The following SEMA3G variants were observed in gnomAD, a reference collection of about 807,000 sequenced individuals.
SEMA3G encodes semaphorin-3G.
SEMA3G carries 70 observed loss-of-function variants against 86.2 expected under a neutral mutation model. That is an observed-to-expected ratio of 0.81 (90% CI 0.67 to 0.99). SEMA3G has a LOEUF of 0.99. SEMA3G is among the 50% of genes least tolerant of loss of function. The pLI, the probability that SEMA3G is intolerant of heterozygous loss-of-function variation, is 0.00. For missense variants in SEMA3G, 1,002 were observed against 1,072.4 expected (o/e 0.93, Z 0.92); for synonymous variants, 416 against 441.4 (o/e 0.94, Z 0.72).
rs1403239880 is a variant in SEMA3G, at chr3:52,435,580, G to A, written c.*23C>T. 1 of 1,591,454 alleles carries A rather than the reference G, an allele frequency of 6.3e-7. No homozygotes were observed. Among genetic ancestry groups the A allele is most frequent in the African/African-American group, 1.3e-5 (1 of 74,642 alleles). On this transcript the variant is annotated 3_prime_UTR_variant, in exon 16 of 16. Transcript: ENST00000231721. ...GCTAGTGGGCCCCCCAGCCCATCCTGACCACCCCTCCTCTGCCCCCTTCTA... is the reference window on the plus strand; with the variant it reads ...GCTAGTGGGCCCCCCAGCCCATCCTAACCACCCCTCCTCTGCCCCCTTCTA...
rs1490109125 is a variant in SEMA3G, at chr3:52,435,795, C to A, written c.2157G>T (p.Leu719=). Residue 719 remains leucine, a synonymous_variant, in exon 16 of 16, where the codon CTG becomes CTT. Transcript: ENST00000231721. The part of the protein sequence containing the change: ...DILQLIGFAN[L]PRVDEYCERV... The stretch of plus-strand genomic sequence containing the variant: ...GCTCACAGTACTCATCCACCCGGGG[C>A]AGGTTGGCGAAGCCAATGAGCTGCA... The A allele has an allele frequency of 2.4e-5, 38 of 1,614,032 alleles. No individual in the cohort carries two copies. Among genetic ancestry groups the A allele is most frequent in the East Asian group, 2.0e-4 (9 of 44,888 alleles).
At position 52,435,661 on chromosome 3, in the gene SEMA3G, ATCT is replaced by A. The variant is rs1706032563; in HGVS notation, c.2288_2290del (p.Lys763del). On this transcript the variant is annotated inframe_deletion, in exon 16 of 16. Coordinates refer to ENST00000231721, the MANE Select transcript of SEMA3G (RefSeq NM_020163.3). ...GTGCTCGGCATGCACCCGGCTCTTCATCTTCTTGCCTAGCTCCAGCCCTGCCCA... is the reference window on the plus strand; with the variant it reads ...GTGCTCGGCATGCACCCGGCTCTTCATCTTGCCTAGCTCCAGCCCTGCCCA... The A allele has an allele frequency of 1.2e-6, 2 of 1,613,442 alleles. No homozygotes were observed. The highest frequency in any genetic ancestry group is 2.2e-5 in the South Asian group (2 of 91,034).
Position 52,442,005 on chromosome 3 carries a change from C to A in SEMA3G, c.460-96G>T, listed in dbSNP as rs568236609. 2.0e-3 allele frequency: 2,588 copies of A among 1,309,338 alleles called. 9 individuals are homozygous for A. Among genetic ancestry groups the A allele is most frequent in the Non-Finnish European group, 1.8e-3 (1,750 of 947,032 alleles). The allele number at this position is 1,309,338 out of a possible 1,614,324, so 81.1% of individuals were successfully genotyped here. A position where few individuals can be genotyped will look rare whatever the true frequency, so the allele number is the denominator to read the frequency against. ...GGAGCCCTCGCGTGCGGCCAGAGAG[C>A]GGGGGTGGGCGGAAGGCGTCCTCAT... On this transcript the variant is annotated intron_variant, in intron 4 of 15. Coordinates refer to ENST00000231721, the MANE Select transcript of SEMA3G (RefSeq NM_020163.3). This position sits in a 1 kb window ranked among gnomAD's most constrained non-coding sequence, Gnocchi z 6.1.
At position 52,440,635 on chromosome 3, in the gene SEMA3G, C is replaced by T. The variant is rs532253944; in HGVS notation, c.999-114G>A. On this transcript the variant is annotated intron_variant, in intron 9 of 15. Coordinates refer to ENST00000231721, the MANE Select transcript of SEMA3G (RefSeq NM_020163.3). ...CAGTGCCTGCAGCAAGCAGAGACTC[C>T]GAAAAGCAAAGACCCCAAGGCAAAG... 1.5e-4 allele frequency: 214 copies of T among 1,468,064 alleles called. 4 individuals are homozygous for T. In the African/African-American group the frequency reaches 1.8e-3, roughly 12 times the overall value. 90.9% of individuals were successfully genotyped at this position (1,468,064 alleles called of 1,614,324 possible).
rs533399785 is a variant in SEMA3G, at chr3:52,441,826, G to A, written c.543C>T (p.Thr181=). The change falls in exon 5 of 16, where the codon ACC becomes ACT. Residue 181 remains threonine (T), a synonymous_variant. Transcript: ENST00000231721. The part of the protein sequence containing the change: ...PHEPSRPFAS[T]FIDGELYTGL... ...GGCCTGGGCATCACCCACCTATGAA[G>A]GTGCTGGCAAAGGGACGGCTGGGCT... The A allele has an allele frequency of 4.9e-5, 79 of 1,607,426 alleles. No homozygotes were observed. In the South Asian group the frequency reaches 8.2e-4, roughly 17 times the overall value.
chr3:52,442,310 G>A lies in SEMA3G; in HGVS notation c.340-6C>T. ...ACGAAGTTGGCGCACTCTGTCTGCG[G>A]GGAGAAGGAGGGGGTGGTTGAGGGG... On this transcript the variant is annotated splice_polypyrimidine_tract_variant and splice_region_variant and intron_variant, in intron 3 of 15. Coordinates refer to ENST00000231721, the MANE Select transcript of SEMA3G (RefSeq NM_020163.3). The surrounding 1 kb of genome is among the most constrained non-coding windows in gnomAD (Gnocchi z 6.1). 1 of 1,613,574 alleles carries A rather than the reference G, an allele frequency of 6.2e-7. No homozygotes were observed. Among genetic ancestry groups the A allele is most frequent in the Non-Finnish European group, 8.5e-7 (1 of 1,179,812 alleles).
Position 52,440,483 on chromosome 3 carries a change from A to G in SEMA3G, c.1037T>C (p.Met346Thr). ...FQGFAVCVYH[M>T]ADIWEVFNGP... ...GTTGAAAACCTCCCAGATGTCTGCCATGTGGTACACACAGACGGCGAAGCC... is the reference window on the plus strand; with the variant it reads ...GTTGAAAACCTCCCAGATGTCTGCCGTGTGGTACACACAGACGGCGAAGCC... Residue 346 changes from methionine to threonine, a missense_variant, in exon 10 of 16, where the codon ATG (methionine) becomes ACG (threonine). Coordinates refer to ENST00000231721, the MANE Select transcript of SEMA3G (RefSeq NM_020163.3). 2 of 1,611,998 alleles carry G rather than the reference A, an allele frequency of 1.2e-6. No homozygotes were observed. Among genetic ancestry groups the G allele is most frequent in the Non-Finnish European group, 8.5e-7 (1 of 1,179,570 alleles).
rs1185482664 is a variant in SEMA3G, at chr3:52,440,921, G to A, written c.928+13C>T. The A allele has an allele frequency of 3.1e-6, 5 of 1,600,556 alleles. No homozygotes were observed. Among genetic ancestry groups the A allele is most frequent in the Non-Finnish European group, 3.4e-6 (4 of 1,173,234 alleles). On this transcript the variant is annotated intron_variant, in intron 8 of 15. Coordinates refer to ENST00000231721, the MANE Select transcript of SEMA3G (RefSeq NM_020163.3). ...CACTCCCGAGCCCTAGGCCTGCTTG[G>A]CCAGGCCCTCACCTAGCTGGTCAAA...
Position 52,441,326 on chromosome 3 carries a change from C to T in SEMA3G, c.751G>A (p.Val251Ile). 6.2e-7 allele frequency: 1 copy of T among 1,613,798 alleles called. No homozygotes were observed. Among genetic ancestry groups the T allele is most frequent in the Non-Finnish European group, 8.5e-7 (1 of 1,180,026 alleles). ...TTCGAGCCACCATCGGGCGAGGGGA[C>T]CGTCTCCGAGAAGAAGAAGTACACC... ...DKVYFFFSET[V>I]PSPDGGSNHV... The change falls in exon 7 of 16, where the codon GTC becomes ATC. Residue 251 changes from valine (V) to isoleucine (I), a missense_variant. Coordinates refer to ENST00000231721, the MANE Select transcript of SEMA3G (RefSeq NM_020163.3).
Position 52,436,002 on chromosome 3 carries a change from C to G in SEMA3G, c.1950G>C (p.Ala650=). Residue 650 remains alanine (A), a synonymous_variant, in exon 16 of 16, where the codon GCG becomes GCC. Transcript: ENST00000231721. ...CCAGAGTGGTGCAGGTGTAGGTGCC[C>G]GCATCGAAACGGCTAAGCCTGCGGA... ...LLFRRLSRFD[A]GTYTCTTLEH... is the part of the protein sequence containing the mutation. 1 of 1,613,776 alleles carries G rather than the reference C, an allele frequency of 6.2e-7. No individual in the cohort carries two copies. The highest frequency in any genetic ancestry group is 2.2e-5 in the East Asian group (1 of 44,872).
chr3:52,442,398 TGGGGAGG>T lies in SEMA3G; in HGVS notation c.340-101_340-95del. 1 of 514,404 alleles carries T rather than the reference TGGGGAGG, an allele frequency of 1.9e-6. No individual in the cohort carries two copies. The highest frequency in any genetic ancestry group is 3.5e-6 in the Non-Finnish European group (1 of 287,566). 31.9% of individuals were successfully genotyped at this position (514,404 alleles called of 1,614,324 possible). A position where few individuals can be genotyped will look rare whatever the true frequency, so the allele number is the denominator to read the frequency against. On this transcript the variant is annotated intron_variant, in intron 3 of 15. Coordinates refer to ENST00000231721, the MANE Select transcript of SEMA3G (RefSeq NM_020163.3). The surrounding 1 kb of genome is among the most constrained non-coding windows in gnomAD (Gnocchi z 6.1). ...CTCAGCCCTGTCTGGCGGTCAGCTC[TGGGGAGG>T]GGGGTGGGTGTGACATTCCCAGCAG...
Position 52,442,074 on chromosome 3 carries a change from C to T in SEMA3G, c.459+111G>A. The stretch of plus-strand genomic sequence containing the variant: ...GGTCAGCTCCCCAACACAAAGGCGC[C>T]TTTCAGGCCCCTGCCCCTCTGTCCC... On this transcript the variant is annotated intron_variant, in intron 4 of 15. Coordinates refer to ENST00000231721, the MANE Select transcript of SEMA3G (RefSeq NM_020163.3). The surrounding 1 kb of genome is among the most constrained non-coding windows in gnomAD (Gnocchi z 6.1). 2 of 1,455,242 alleles carry T rather than the reference C, an allele frequency of 1.4e-6. No homozygotes were observed. Among genetic ancestry groups the T allele is most frequent in the Non-Finnish European group, 1.8e-6 (2 of 1,085,948 alleles). The allele number at this position is 1,455,242 out of a possible 1,614,324, so 90.1% of individuals were successfully genotyped here.
chr3:52,439,682 T>C lies in SEMA3G; in HGVS notation c.1465A>G (p.Lys489Glu). The change falls in exon 12 of 16, where the codon AAG becomes GAG. Residue 489 changes from lysine (K) to glutamate (E), a missense_variant and splice_region_variant. By Grantham distance (56) the Lys-to-Glu change is moderately conservative. Coordinates refer to ENST00000231721, the MANE Select transcript of SEMA3G (RefSeq NM_020163.3). The part of the protein sequence containing the change: ...EVVLEELQVF[K>E]VPTPITEMEI... ...CCTTCCATCAGCCCCTTGCTTACCTTAAACACCTGGAGCTCCTCCAGAACC... is the reference window on the plus strand; with the variant it reads ...CCTTCCATCAGCCCCTTGCTTACCTCAAACACCTGGAGCTCCTCCAGAACC... 6.2e-7 allele frequency: 1 copy of C among 1,613,506 alleles called. No individual in the cohort carries two copies. Among genetic ancestry groups the C allele is most frequent in the Non-Finnish European group, 8.5e-7 (1 of 1,179,592 alleles).
Position 52,435,421 on chromosome 3 carries a change from G to T in SEMA3G, c.*182C>A. 3.2e-6 allele frequency: 2 copies of T among 626,558 alleles called. No individual in the cohort carries two copies. The highest frequency in any genetic ancestry group is 5.6e-6 in the Non-Finnish European group (2 of 360,180). 38.8% of individuals were successfully genotyped at this position (626,558 alleles called of 1,614,324 possible). Reference sequence around the variant, plus strand: ...GTCTAAGAGCACAGAGAAGGGCAGGGAACAGGCTTCAAGAACCCAGCCCCT... The same window carrying T: ...GTCTAAGAGCACAGAGAAGGGCAGGTAACAGGCTTCAAGAACCCAGCCCCT... On this transcript the variant is annotated 3_prime_UTR_variant, in exon 16 of 16. Coordinates refer to ENST00000231721, the MANE Select transcript of SEMA3G (RefSeq NM_020163.3).
Position 52,438,402 on chromosome 3 carries a change from G to A in SEMA3G, c.1510-203C>T, listed in dbSNP as rs182165249. The A allele has an allele frequency of 2.0e-5, 20 of 984,798 alleles. No individual in the cohort carries two copies. In the East Asian group the frequency reaches 1.4e-3, roughly 67 times the overall value. The allele number at this position is 984,798 out of a possible 1,614,324, so 61.0% of individuals were successfully genotyped here. ...GTGCCAGGACACAGAAGGGATGGAG[G>A]AGAACCAAGACCTGGGATGTTTTCT... On this transcript the variant is annotated intron_variant, in intron 13 of 15. Transcript: ENST00000231721.
intron 15 of SEMA3G, 96 bp downstream of exon 15, chr3:52,437,431 C>A: frequency 7.5e-7 from 1 of 1,327,144 alleles, no homozygotes; most frequent in Non-Finnish European, 1.0e-6. Context: ...GGCAGATTCC[C>A]CCCAGAACCC....
At chr3:52,437,451 G>A (rs1706066033) in intron 15 of SEMA3G, 76 bp downstream of exon 15, 1 of 1,432,162 alleles carries the variant, frequency 7.0e-7, no homozygotes, top group African/African-American at 1.4e-5. Flanking sequence ...CCTTTCTGGG[G>A]CTCAGGTCTT....
chr3:52,441,988 C>T (rs570334936), intron 4 of SEMA3G, 79 bp from the exon 5 acceptor site: 28 of 1,346,308 alleles, frequency 2.1e-5, no homozygotes, highest in African/African-American at 1.9e-4. Flanking sequence ...CAGGAGCCCT[C>T]GCGTGCGGCC....
chr3:52,444,585 C>T (rs976095680), intron 1 of SEMA3G, among the ~76,000 whole-genome samples: 16 of 150,316 alleles, frequency 1.1e-4, no homozygotes, highest in African/African-American at 1.7e-4. Flanking sequence ...ACACTGCACA[C>T]GCACCCAAAC....
Sources: gnomAD v4.1 joint callset for allele counts (sites outside exome capture counted in the v4.1 genomes callset) on GRCh38, gnomAD v4.1.1 for gene constraint, Gnocchi (gnomAD v3.1) non-coding constraint, MANE v1.5 for transcripts, NCBI Gene and HGNC (gene_info 2026-07-23, HGNC 2026-07-21) for gene names.